RAVER2: variants seen among roughly 807,000 people sequenced by gnomAD.
The protein encoded by RAVER2 is ribonucleoprotein, PTB binding 2, also known as ribonucleoprotein PTB-binding 2.
A neutral mutation model predicts 78.1 loss-of-function variants in RAVER2; 46 were observed. That is an observed-to-expected ratio of 0.59 (90% CI 0.46 to 0.75). RAVER2 has a LOEUF of 0.75. Among genes scored for constraint, RAVER2 ranks in the 30% least tolerant of loss-of-function variants. The pLI is 0.00. For missense variants in RAVER2, 793 were observed against 837.5 expected (o/e 0.95, Z 0.66); for synonymous variants, 311 against 313.3 (o/e 0.99, Z 0.08).
chr1:64,832,463 A>AGTT (rs1463556504), exon 12 of RAVER2: 2 of 152,542 alleles, frequency 1.3e-5, no homozygotes, highest in African/African-American at 4.8e-5. Flanking sequence ...GAAATTTCTA[A>AGTT]GTTTGTTTAT....
At chr1:64,809,772 C>T (rs900033282) in intron 9 of RAVER2, among the ~76,000 whole-genome samples, 6 of 152,078 alleles carry the variant, frequency 3.9e-5, no homozygotes, top group Non-Finnish European at 8.8e-5. Flanking sequence ...TTTCTTCTCC[C>T]ACTAGCCCAG....
At chr1:64,771,931 A>G (rs1205664002) in intron 2 of RAVER2, among the ~76,000 whole-genome samples, 1 of 152,136 alleles carries the variant, frequency 6.6e-6, no homozygotes, top group Non-Finnish European at 1.5e-5. Context: ...TATGGTAGAT[A>G]TGAGGAAATT....
At chr1:64,787,278 T>C (rs1454221061) in intron 4 of RAVER2, among the ~76,000 whole-genome samples, 1 of 152,218 alleles carries the variant, frequency 6.6e-6, no homozygotes, top group African/African-American at 2.4e-5. Flanking sequence ...TTTGAATGTA[T>C]GAATATACAT....
At chr1:64,771,516 G>T (rs1179980094) in intron 2 of RAVER2, among the ~76,000 whole-genome samples, 1 of 151,990 alleles carries the variant, frequency 6.6e-6, no homozygotes, top group African/African-American at 2.4e-5. Flanking sequence ...CGTGGGTAAA[G>T]ACTTTTTTCT....
chr1:64,829,137 A>C (rs1316605379), intron 11 of RAVER2, among the ~76,000 whole-genome samples: 1 of 152,218 alleles, frequency 6.6e-6, no homozygotes, highest in Non-Finnish European at 1.5e-5. Context: ...GAATGTAATA[A>C]ATTTCCTATC....
intron 5 of RAVER2, 89 bp from the exon 6 acceptor site, chr1:64,802,887 A>G (rs543412090): frequency 1.3e-6 from 1 of 783,382 alleles, no homozygotes; most frequent in Non-Finnish European, 2.1e-6. Context: ...TAGTTTAAAG[A>G]AATATTCATT....
At chr1:64,763,407 A>G (rs887863640) in intron 1 of RAVER2, among the ~76,000 whole-genome samples, 1 of 152,250 alleles carries the variant, frequency 6.6e-6, no homozygotes, top group African/African-American at 2.4e-5. Context: ...GCATATTAAA[A>G]GGTCAGTAAT....
At chr1:64,803,835 G>A (rs1419606359) in intron 6 of RAVER2, among the ~76,000 whole-genome samples, 1 of 152,150 alleles carries the variant, frequency 6.6e-6, no homozygotes, top group East Asian at 1.9e-4. Flanking sequence ...TAAAGTCTAT[G>A]TTATTATAGA....
chr1:64,824,932 CAAAAAAAAAAA>C (rs56179197), intron 11 of RAVER2, among the ~76,000 whole-genome samples: 9,683 of 80,064 alleles, frequency 0.12, 494 homozygotes, highest in South Asian at 0.16. Flanking sequence ...CCCTGTCTCC[CAAAAAAAAAAA>C]AAAAAAAAAA....
intron 5 of RAVER2, among the ~76,000 whole-genome samples, chr1:64,790,841 C>T (rs1360965942): frequency 6.6e-6 from 1 of 152,140 alleles, no homozygotes; most frequent in Non-Finnish European, 1.5e-5. Context: ...AACACCAGCT[C>T]ACCTACTGCA....
At chr1:64,819,359 G>T (rs1415553462) in intron 11 of RAVER2, among the ~76,000 whole-genome samples, 1 of 151,902 alleles carries the variant, frequency 6.6e-6, no homozygotes, top group Non-Finnish European at 1.5e-5. Flanking sequence ...AAATACACTA[G>T]ATGGGCATAG....
chr1:64,770,271 A>T (rs576100792), intron 2 of RAVER2, among the ~76,000 whole-genome samples: 2 of 152,134 alleles, frequency 1.3e-5, no homozygotes, highest in South Asian at 4.1e-4. Context: ...GCTCACATAG[A>T]GCCAGGAATA....
chr1:64,812,079 G>A (rs1464048351), intron 9 of RAVER2, among the ~76,000 whole-genome samples: 1 of 151,864 alleles, frequency 6.6e-6, no homozygotes, highest in Non-Finnish European at 1.5e-5. Context: ...GGCGCGGTGG[G>A]TCACGCCTGT....
At chr1:64,759,184 G>GTTTTTTA (rs1444757349) in intron 1 of RAVER2, among the ~76,000 whole-genome samples, 1 of 151,228 alleles carries the variant, frequency 6.6e-6, no homozygotes, top group African/African-American at 2.4e-5. Context: ...ATATTTTCAG[G>GTTTTTTA]TTTTTTATTT....
chr1:64,785,367 CT>C (rs67544814), intron 4 of RAVER2, among the ~76,000 whole-genome samples: 2,628 of 129,634 alleles, frequency 0.02, 55 homozygotes, highest in African/African-American at 0.067. Context: ...CTGTCCCTAA[CT>C]TTTTTTTTTT....
Position 64,789,510 on chromosome 1 carries a change from A to AT in RAVER2, c.1101_1102insT (p.Pro368SerfsTer27). 1 of 1,604,318 alleles carries AT rather than the reference A, an allele frequency of 6.2e-7. No individual in the cohort carries two copies. Among genetic ancestry groups the AT allele is most frequent in the Non-Finnish European group, 8.5e-7 (1 of 1,174,832 alleles). ...CCCAGTTATGTGGACGAGCTGTTAA[A>AT]CCAGGTATGGACCATGTATGTATAC... On this transcript the variant is annotated frameshift_variant, in exon 5 of 12. Transcript: ENST00000294428. LOFTEE classifies it high-confidence loss of function.
chr1:64,806,303 C>A (rs1365364279), intron 8 of RAVER2, among the ~76,000 whole-genome samples: 2 of 152,128 alleles, frequency 1.3e-5, no homozygotes, highest in African/African-American at 4.8e-5. Flanking sequence ...CCCAGCTACT[C>A]AGGAGGCTGG....
chr1:64,802,006 AGGAAAAT>A (rs1653281202), intron 5 of RAVER2, among the ~76,000 whole-genome samples: 1 of 152,264 alleles, frequency 6.6e-6, no homozygotes, highest in South Asian at 2.1e-4. Flanking sequence ...TGAATTTTCC[AGGAAAAT>A]GGTGGGCAAT....
rs1032311945 is a variant in RAVER2 at position 64,782,664 on chromosome 1, T to C, written c.978+1093T>C. 5.3e-5 allele frequency among the ~76,000 whole-genome samples: 8 copies of C among 152,218 alleles called. 1 individual carries two copies. Among genetic ancestry groups the C allele is most frequent in the Non-Finnish European group, 1.0e-4 (7 of 68,046 alleles). On this transcript the variant is annotated intron_variant, in intron 4 of 11. Coordinates refer to ENST00000294428, the Ensembl canonical transcript of RAVER2. ...AAAGAGGGAAAGTGAGTAGTCACTC[T>C]AGGTGGAACAGAAACTACTCATACA...
Sources: allele counts gnomAD v4.1 joint callset (sites outside exome capture counted in the v4.1 genomes callset), GRCh38; gene constraint gnomAD v4.1.1; transcripts MANE v1.5; gene names NCBI Gene and HGNC (gene_info 2026-07-23, HGNC 2026-07-21).